SAMD5: variants seen among roughly 807,000 people sequenced by gnomAD.
SAMD5 encodes sterile alpha motif domain-containing protein 5.
A neutral mutation model predicts 11.3 loss-of-function variants in SAMD5; 13 were observed. That is an observed-to-expected ratio of 1.15 (90% CI 0.75 to 1.83). SAMD5 has a LOEUF of 1.83. Among genes scored for constraint, SAMD5 ranks in the 40% most tolerant of loss-of-function variants. SAMD5 has a pLI of 0.00. For synonymous variants in SAMD5, 129 were observed against 111.3 expected (o/e 1.16, Z -1.00); for missense variants, 255 against 239.1 (o/e 1.07, Z -0.44).
At chr6:147,932,376 A>C in the SAMD5 span, among the ~76,000 whole-genome samples, 1 of 152,094 alleles carries the variant, frequency 6.6e-6, no homozygotes, top group Non-Finnish European at 1.5e-5. Flanking sequence ...AGGACCCAGG[A>C]GTGTCAGCGG....
the SAMD5 span, among the ~76,000 whole-genome samples, chr6:147,903,346 A>C: frequency 6.6e-6 from 1 of 152,222 alleles, no homozygotes; most frequent in African/African-American, 2.4e-5. Context: ...AAGATAGAAC[A>C]AAATAAAAAC....
the SAMD5 span, among the ~76,000 whole-genome samples, chr6:147,827,800 T>G: frequency 2.0e-5 from 3 of 152,118 alleles, no homozygotes; most frequent in African/African-American, 7.2e-5. Flanking sequence ...TGACATTTTT[T>G]TTTTTTTGAG....
chr6:147,747,657 C>T, the SAMD5 span, among the ~76,000 whole-genome samples: 7 of 152,046 alleles, frequency 4.6e-5, no homozygotes, highest in East Asian at 1.9e-4. Flanking sequence ...ACCACAGGCA[C>T]GCGCTACCAC....
chr6:147,806,323 C>T, the SAMD5 span, among the ~76,000 whole-genome samples: 1 of 149,882 alleles, frequency 6.7e-6, no homozygotes, highest in East Asian at 1.9e-4. Context: ...CGCGCGCACA[C>T]ACACACACAC....
the SAMD5 span, among the ~76,000 whole-genome samples, chr6:147,765,914 G>C: frequency 6.6e-6 from 1 of 152,126 alleles, no homozygotes; most frequent in African/African-American, 2.4e-5. Flanking sequence ...GAATCACGCA[G>C]CATTTTAAGA....
chr6:147,823,234 T>C, the SAMD5 span, among the ~76,000 whole-genome samples: 1 of 152,232 alleles, frequency 6.6e-6, no homozygotes, highest in Non-Finnish European at 1.5e-5. Context: ...CAACTTAATA[T>C]TTCTTTGGCA....
chr6:147,666,013 A>G (rs1790713195), intron 1 of SAMD5, among the ~76,000 whole-genome samples: 1 of 152,170 alleles, frequency 6.6e-6, no homozygotes, highest in African/African-American at 2.4e-5. Flanking sequence ...ATCTCGGCTC[A>G]CTGCAACCTC....
chr6:147,869,493 C>T, the SAMD5 span, among the ~76,000 whole-genome samples: 2 of 152,274 alleles, frequency 1.3e-5, no homozygotes, highest in Admixed American at 6.5e-5. Flanking sequence ...GAATTGACTA[C>T]CAACATGCTC....
At chr6:147,873,249 C>T in the SAMD5 span, among the ~76,000 whole-genome samples, 4,926 of 151,772 alleles carry the variant, frequency 0.032, 285 homozygotes, top group African/African-American at 0.11. Flanking sequence ...TGGTGGTGCA[C>T]GCCTGTAGTC....
At chr6:147,821,324 A>G in the SAMD5 span, among the ~76,000 whole-genome samples, 1 of 152,220 alleles carries the variant, frequency 6.6e-6, no homozygotes, top group African/African-American at 2.4e-5. Context: ...TGGAAATACC[A>G]TTTTGCAGTG....
chr6:147,705,814 G>T (rs1457363482), intron 1 of SAMD5, among the ~76,000 whole-genome samples: 2 of 152,138 alleles, frequency 1.3e-5, no homozygotes, highest in African/African-American at 2.4e-5. Flanking sequence ...ATATGCATTG[G>T]AATTGTGTCA....
intron 1 of SAMD5, among the ~76,000 whole-genome samples, chr6:147,658,259 T>A (rs191841872): frequency 6.6e-6 from 1 of 152,230 alleles, no homozygotes; most frequent in East Asian, 1.9e-4. Context: ...TGTCTGGGAA[T>A]CAGTATTATT....
the SAMD5 span, among the ~76,000 whole-genome samples, chr6:147,871,337 G>C: frequency 3.7e-4 from 56 of 151,990 alleles, no homozygotes; most frequent in African/African-American, 1.3e-3. Flanking sequence ...ATACATTTAG[G>C]CTTAAGAATA....
the SAMD5 span, among the ~76,000 whole-genome samples, chr6:147,766,193 C>A: frequency 1.3e-5 from 2 of 149,372 alleles, no homozygotes; most frequent in Non-Finnish European, 1.5e-5. Flanking sequence ...AAACAGAAAA[C>A]AGAATTATAA....
chr6:147,628,659 T>A (rs1363647860), intron 1 of SAMD5, among the ~76,000 whole-genome samples: 2 of 152,180 alleles, frequency 1.3e-5, no homozygotes, highest in Non-Finnish European at 2.9e-5. Context: ...AGGATTTTTT[T>A]TCAAACAAAA....
At chr6:147,890,276 A>G in the SAMD5 span, among the ~76,000 whole-genome samples, 283 of 152,310 alleles carry the variant, frequency 1.9e-3, 1 homozygote, top group African/African-American at 6.5e-3. Flanking sequence ...AAGAAGAAAT[A>G]TACATAGCTA....
intron 1 of SAMD5, among the ~76,000 whole-genome samples, chr6:147,583,193 C>T (rs1205178287): frequency 6.6e-6 from 1 of 152,098 alleles, no homozygotes; most frequent in Non-Finnish European, 1.5e-5. Flanking sequence ...CTCCAGATGC[C>T]ACATCAGGGC....
At chr6:147,794,126 T>C in the SAMD5 span, among the ~76,000 whole-genome samples, 1 of 152,198 alleles carries the variant, frequency 6.6e-6, no homozygotes, top group South Asian at 2.1e-4. Context: ...CAAGGCATTT[T>C]CTTTAATAAA....
chr6:147,651,582 G>A (rs983601684), intron 1 of SAMD5, among the ~76,000 whole-genome samples: 26 of 152,174 alleles, frequency 1.7e-4, no homozygotes, highest in African/African-American at 6.0e-4. Flanking sequence ...CACCGTGTGA[G>A]GACACAGTGA....
Sources: allele counts gnomAD v4.1 joint callset (sites outside exome capture counted in the v4.1 genomes callset), GRCh38; gene constraint gnomAD v4.1.1; transcripts MANE v1.5; gene names NCBI Gene and HGNC (gene_info 2026-07-23, HGNC 2026-07-21).